Variants in ABCB5 observed in about 807,000 individuals in gnomAD.
ABCB5 encodes ATP-binding cassette sub-family B member 5.
A neutral mutation model predicts 144.2 loss-of-function variants in ABCB5; 155 were observed. The ratio of observed to expected loss-of-function variants is 1.08; its 90% CI spans 0.94 to 1.23. The LOEUF is 1.23. Ranked by LOEUF, ABCB5 falls within the 50% of genes most tolerant of loss-of-function variation. ABCB5 has a pLI of 0.00. For synonymous variants in ABCB5, 610 were observed against 528.6 expected, an observed-to-expected ratio of 1.15 and a Z score of -2.11; for missense variants, 1,830 against 1,520.8, an observed-to-expected ratio of 1.20 and a Z score of -3.38.
At chr7:20,619,550 G>C (rs1783765009) in intron 1 of ABCB5, among the ~76,000 whole-genome samples, 1 of 135,500 alleles carries the variant, frequency 7.4e-6, no homozygotes, top group Non-Finnish European at 1.7e-5. Flanking sequence ...TGCTTCTTGA[G>C]TTAAGTTTCT....
intron 20 of ABCB5, among the ~76,000 whole-genome samples, chr7:20,720,693 C>A (rs894763716): frequency 1.3e-5 from 2 of 152,090 alleles, no homozygotes; most frequent in Non-Finnish European, 2.9e-5. Context: ...CGCCTGTAAT[C>A]CCAGCAGTTT....
At chr7:20,666,808 T>C (rs1785211685) in intron 14 of ABCB5, 2 of 1,581,518 alleles carry the variant, frequency 1.3e-6, no homozygotes, top group Non-Finnish European at 1.7e-6. Flanking sequence ...ACTATCTACG[T>C]TGAGGTATCT....
chr7:20,698,569 C>G lies in ABCB5; in HGVS notation c.2154+19C>G. Reference sequence around the variant, plus strand: ...TATAACCGTAAGTAAAATAAATTTGCTAATACTTTCAGCAATTTAAAGAAA... The same window carrying G: ...TATAACCGTAAGTAAAATAAATTTGGTAATACTTTCAGCAATTTAAAGAAA... On this transcript the variant is annotated intron_variant, in intron 17 of 27. Transcript: ENST00000404938. 6.4e-7 allele frequency: 1 copy of G among 1,573,586 alleles called. No individual in the cohort carries two copies. Among genetic ancestry groups the G allele is most frequent in the Non-Finnish European group, 8.6e-7 (1 of 1,162,696 alleles).
intron 13 of ABCB5, among the ~76,000 whole-genome samples, chr7:20,652,784 C>A (rs1265882341): frequency 6.6e-6 from 1 of 152,120 alleles, no homozygotes; most frequent in Non-Finnish European, 1.5e-5. Flanking sequence ...GTGCGGAGCA[C>A]CTTGTTACAT....
intron 10 of ABCB5, 78 bp downstream of exon 10, chr7:20,647,726 A>C: frequency 6.6e-7 from 1 of 1,519,338 alleles, no homozygotes. Flanking sequence ...CCTCATTTTC[A>C]CTAAAACAAT....
intron 14 of ABCB5, chr7:20,658,986 A>G: frequency 6.7e-7 from 1 of 1,494,748 alleles, no homozygotes; most frequent in East Asian, 2.3e-5. Flanking sequence ...CACTATCATC[A>G]CTATTATAAC....
At chr7:20,654,195 TG>T (rs1784694645) in intron 13 of ABCB5, among the ~76,000 whole-genome samples, 16 of 152,172 alleles carry the variant, frequency 1.1e-4, no homozygotes, top group Non-Finnish European at 1.5e-5. Flanking sequence ...TTTTTGTTTT[TG>T]TTTTTGTTTT....
intron 1 of ABCB5, among the ~76,000 whole-genome samples, chr7:20,618,659 A>G (rs1309561194): frequency 6.6e-6 from 1 of 151,966 alleles, no homozygotes; most frequent in Non-Finnish European, 1.5e-5. Context: ...GTGAAAACAT[A>G]CAACATTTGG....
At chr7:20,621,950 G>C (rs757028751) in intron 1 of ABCB5, among the ~76,000 whole-genome samples, 7 of 152,036 alleles carry the variant, frequency 4.6e-5, no homozygotes, top group Non-Finnish European at 7.4e-5. Context: ...TGTTTATTTG[G>C]CTCAGTGGAC....
At chr7:20,711,136 A>T (rs1461254565) in intron 20 of ABCB5, among the ~76,000 whole-genome samples, 1 of 114,314 alleles carries the variant, frequency 8.7e-6, no homozygotes, top group African/African-American at 3.0e-5. Flanking sequence ...TATGTAATAA[A>T]CCCATACTAC....
chr7:20,754,419 A>G (rs115721715), intron 27 of ABCB5, among the ~76,000 whole-genome samples: 10 of 152,344 alleles, frequency 6.6e-5, no homozygotes, highest in African/African-American at 2.4e-4. Flanking sequence ...TAGCAGTATG[A>G]CCTTGGTCTA....
chr7:20,695,956 T>C (rs1786399853), intron 16 of ABCB5, among the ~76,000 whole-genome samples: 1 of 152,020 alleles, frequency 6.6e-6, no homozygotes, highest in African/African-American at 2.4e-5. Flanking sequence ...GGAGCTTATT[T>C]AGCTGGTGGG....
intron 20 of ABCB5, among the ~76,000 whole-genome samples, chr7:20,711,844 C>CTTTCT (rs1562573791): frequency 1.2e-5 from 1 of 84,420 alleles, no homozygotes; most frequent in Non-Finnish European, 2.4e-5. Context: ...TTCTTTCTTT[C>CTTTCT]TTTTCTTTCT....
chr7:20,728,514 G>A, intron 23 of ABCB5, 59 bp downstream of exon 23: 1 of 1,572,028 alleles, frequency 6.4e-7, no homozygotes, highest in Admixed American at 1.8e-5. Context: ...AACACTTTGA[G>A]AGGCTGAGGC....
In ABCB5 at chr7:20,723,136, CT is replaced by C; in HGVS notation, c.2544del (p.Ala849ProfsTer2). ...CCTGATTCTGAGTATTGCTCCAGTA[CT>C]TGCCGTGACAGGAATGATTGAAACC... ...TFLILSIAPV[L>X]AVTGMIETAA... On this transcript the variant is annotated frameshift_variant, in exon 21 of 28. Coordinates refer to ENST00000404938, the MANE Select transcript of ABCB5 (RefSeq NM_001163941.2). LOFTEE classifies it high-confidence loss of function. The C allele has an allele frequency of 6.2e-7, 1 of 1,614,100 alleles. No homozygotes were observed. The highest frequency in any genetic ancestry group is 8.5e-7 in the Non-Finnish European group (1 of 1,180,020).
At chr7:20,740,154 C>G (rs190908761) in intron 24 of ABCB5, among the ~76,000 whole-genome samples, 3 of 152,232 alleles carry the variant, frequency 2.0e-5, no homozygotes, top group African/African-American at 7.2e-5. Flanking sequence ...ACAGGAGAAT[C>G]GCTTGAACCC....
Position 20,745,378 on chromosome 7 carries a change from T to C in ABCB5, c.3369T>C (p.Asp1123=). Residue 1123 remains aspartate (D), a synonymous_variant, in exon 26 of 28, where the codon GAT becomes GAC. Transcript: ENST00000404938. ...YGDNSRVVPL[D]EIKEAANAAN... is the part of the protein sequence containing the mutation. ...ACAACAGCCGTGTGGTGCCATTAGA[T>C]GAGATCAAAGAAGCCGCAAATGCAG... 6.2e-7 allele frequency: 1 copy of C among 1,614,128 alleles called. No individual in the cohort carries two copies. The highest frequency in any genetic ancestry group is 8.5e-7 in the Non-Finnish European group (1 of 1,180,030).
intron 24 of ABCB5, among the ~76,000 whole-genome samples, chr7:20,742,069 T>C (rs912556947): frequency 6.6e-6 from 1 of 152,104 alleles, no homozygotes; most frequent in Non-Finnish European, 1.5e-5. Context: ...TGCCAAATAA[T>C]GGTCAATTGA....
intron 5 of ABCB5, among the ~76,000 whole-genome samples, chr7:20,639,682 T>C (rs529245289): frequency 6.6e-6 from 1 of 152,366 alleles, no homozygotes; most frequent in South Asian, 2.1e-4. Context: ...TTCTGTTCTC[T>C]AGGCTCTGTT....
Sources: gnomAD v4.1 joint callset for allele counts (sites outside exome capture counted in the v4.1 genomes callset) on GRCh38, gnomAD v4.1.1 for gene constraint, MANE v1.5 for transcripts, NCBI Gene and HGNC (gene_info 2026-07-23, HGNC 2026-07-21) for gene names.